Variants in C3orf70 observed in about 807,000 individuals in gnomAD.
C3orf70 encodes the protein UPF0524 protein C3orf70.
C3orf70 carries 15 observed loss-of-function variants against 20.7 expected under a neutral mutation model. The observed-to-expected ratio is 0.72, with a 90% confidence interval of 0.48 to 1.11. The LOEUF (loss-of-function observed/expected upper bound fraction) is 1.11, where lower values mean the gene tolerates loss of function less well. Among genes scored for constraint, C3orf70 ranks in the 50% most tolerant of loss-of-function variants. C3orf70 has a pLI of 0.00. For missense variants in C3orf70, 332 were observed against 317.6 expected, an observed-to-expected ratio of 1.05 and a Z score of -0.34; for synonymous variants, 161 against 125.7, an observed-to-expected ratio of 1.28 and a Z score of -1.88.
intron 1 of C3orf70, among the ~76,000 whole-genome samples, chr3:185,091,312 G>A (rs996934707): frequency 6.6e-6 from 1 of 152,104 alleles, no homozygotes; most frequent in Non-Finnish European, 1.5e-5. Flanking sequence ...GGGTTAGACA[G>A]TCGATCAAAA....
At chr3:185,127,271 G>T (rs533447558) in intron 1 of C3orf70, among the ~76,000 whole-genome samples, 16 of 152,200 alleles carry the variant, frequency 1.1e-4, no homozygotes, top group Non-Finnish European at 1.2e-4. Context: ...CTAAAAATGA[G>T]ATAAATAAGG....
In C3orf70 at chr3:185,079,583, AATC is replaced by A. The variant is rs1297660459; in HGVS notation, c.*3421_*3423del. The A allele has an allele frequency of 6.6e-6, 1 of 152,244 alleles. No individual in the cohort carries two copies. Among genetic ancestry groups the A allele is most frequent in the Non-Finnish European group, 1.5e-5 (1 of 68,044 alleles). 9.4% of individuals were successfully genotyped at this position (152,244 alleles called of 1,614,324 possible). On this transcript the variant is annotated 3_prime_UTR_variant, in exon 2 of 2. Coordinates refer to ENST00000335012, the MANE Select transcript of C3orf70 (RefSeq NM_001025266.3). Reference sequence around the variant, plus strand: ...ACAGTTGTAACCACAAAAGCACTGTAATCATCATTTCTTGGAAAAGTTATAAGC... The same window carrying A: ...ACAGTTGTAACCACAAAAGCACTGTAATCATTTCTTGGAAAAGTTATAAGC...
chr3:185,102,706 G>A (rs937850082), intron 1 of C3orf70, among the ~76,000 whole-genome samples: 7 of 151,958 alleles, frequency 4.6e-5, no homozygotes, highest in Non-Finnish European at 1.0e-4. Flanking sequence ...GTACAAAAAC[G>A]GACACACAGA....
intron 1 of C3orf70, among the ~76,000 whole-genome samples, chr3:185,133,009 A>T (rs1219351463): frequency 6.6e-6 from 1 of 152,256 alleles, no homozygotes; most frequent in Non-Finnish European, 1.5e-5. Context: ...AATATACTGG[A>T]AGTCTATCAT....
intron 1 of C3orf70, among the ~76,000 whole-genome samples, chr3:185,137,933 CAGAA>C (rs1047770980): frequency 3.9e-5 from 6 of 152,152 alleles, no homozygotes; most frequent in South Asian, 2.1e-4. Flanking sequence ...GAAAAACTGA[CAGAA>C]AGAAAATCAA....
chr3:185,087,244 A>G (rs1157740885), intron 1 of C3orf70, among the ~76,000 whole-genome samples: 1 of 152,262 alleles, frequency 6.6e-6, no homozygotes, highest in African/African-American at 2.4e-5. Context: ...TCTAAAAGGA[A>G]AAGATACTCA....
intron 1 of C3orf70, among the ~76,000 whole-genome samples, chr3:185,113,285 C>CAAAAAAAAAAAAAAA (rs55966497): frequency 7.2e-6 from 1 of 138,502 alleles, no homozygotes; most frequent in Non-Finnish European, 1.5e-5. Context: ...CTAAAAAATA[C>CAAAAAAAAAAAAAAA]AAAAAAGAAA....
rs1577331691 is a variant in C3orf70 at position 185,131,264 on chromosome 3, C to T, written c.196+21364G>A. On this transcript the variant is annotated intron_variant, in intron 1 of 1. Transcript: ENST00000335012. ...CCTTAGCCAAATCAAACTAATTTTA[C>T]AGAAGCTGTTGTAATTTAACCTGTA... 2.0e-5 allele frequency among the ~76,000 whole-genome samples: 3 copies of T among 152,160 alleles called. No individual in the cohort carries two copies. The East Asian group carries it at 5.8e-4, about 29-fold the overall frequency.
chr3:185,094,416 C>A (rs943490778), intron 1 of C3orf70, among the ~76,000 whole-genome samples: 1 of 152,068 alleles, frequency 6.6e-6, no homozygotes, highest in African/African-American at 2.4e-5. Context: ...TTTCTTAGTT[C>A]TTTTCCCAGG....
chr3:185,097,626 G>T lies in C3orf70; in HGVS notation c.197-14063C>A, dbSNP rs145175132. Among the ~76,000 whole-genome samples, 1,196 of 152,302 alleles carry T rather than the reference G, an allele frequency of 7.9e-3. 11 individuals carry two copies. Among genetic ancestry groups the T allele is most frequent in the Middle Eastern group, 0.017 (5 of 294 alleles). On this transcript the variant is annotated intron_variant, in intron 1 of 1. Transcript: ENST00000335012. ...TGACAGTAACATTCAGTAGCCTTATGAATGAGAGCAGAGCATCATGGCTGG... is the reference window on the plus strand; with the variant it reads ...TGACAGTAACATTCAGTAGCCTTATTAATGAGAGCAGAGCATCATGGCTGG...
At chr3:185,106,098 G>C (rs1644007386) in intron 1 of C3orf70, among the ~76,000 whole-genome samples, 1 of 152,150 alleles carries the variant, frequency 6.6e-6, no homozygotes, top group South Asian at 2.1e-4. Flanking sequence ...GTGAAAAGTA[G>C]TTGCCCCAGT....
chr3:185,115,932 C>G (rs752971124), intron 1 of C3orf70, among the ~76,000 whole-genome samples: 2 of 152,184 alleles, frequency 1.3e-5, no homozygotes, highest in Non-Finnish European at 2.9e-5. Context: ...CCAAAGGTCT[C>G]ACCGCTCCTA....
chr3:185,132,261 T>C (rs1716536165), intron 1 of C3orf70, among the ~76,000 whole-genome samples: 1 of 152,170 alleles, frequency 6.6e-6, no homozygotes, highest in Non-Finnish European at 1.5e-5. Flanking sequence ...GAGATTCAAA[T>C]ATTGGAACTA....
At chr3:185,112,120 G>A (rs1188934872) in intron 1 of C3orf70, among the ~76,000 whole-genome samples, 2 of 152,084 alleles carry the variant, frequency 1.3e-5, no homozygotes, top group African/African-American at 4.8e-5. Flanking sequence ...GGGAAATCCT[G>A]TCTCTACTTA....
In C3orf70 at chr3:185,098,553, T is replaced by C. The variant is rs1715757241; in HGVS notation, c.197-14990A>G. The stretch of plus-strand genomic sequence containing the variant: ...AAATCTATAGTTTTCCCATAAAATC[T>C]CAAAGGATTACAAAATGTGATGAAG... On this transcript the variant is annotated intron_variant, in intron 1 of 1. Coordinates refer to ENST00000335012, the MANE Select transcript of C3orf70 (RefSeq NM_001025266.3). 2.6e-5 allele frequency among the ~76,000 whole-genome samples: 4 copies of C among 152,152 alleles called. No individual in the cohort carries two copies. The South Asian group carries it at 6.2e-4, about 24-fold the overall frequency.
At chr3:185,145,473 A>G (rs1169311837) in intron 1 of C3orf70, among the ~76,000 whole-genome samples, 1 of 50,654 alleles carries the variant, frequency 2.0e-5, no homozygotes, top group African/African-American at 7.7e-5. Context: ...CAAATACATT[A>G]TTGTTTTTGA....
At chr3:185,086,579 GC>G (rs2096955917) in intron 1 of C3orf70, among the ~76,000 whole-genome samples, 1 of 152,148 alleles carries the variant, frequency 6.6e-6, no homozygotes, top group Non-Finnish European at 1.5e-5. Context: ...AGAATTCTCA[GC>G]TTCTAGACTG....
chr3:185,122,924 C>T (rs1327276431), intron 1 of C3orf70, among the ~76,000 whole-genome samples: 4 of 151,260 alleles, frequency 2.6e-5, no homozygotes, highest in Admixed American at 6.6e-5. Context: ...GGGAGGCCGA[C>T]GCAGGTGGAT....
intron 1 of C3orf70, among the ~76,000 whole-genome samples, chr3:185,126,892 C>T (rs915095940): frequency 6.6e-6 from 1 of 152,162 alleles, no homozygotes; most frequent in African/African-American, 2.4e-5. Flanking sequence ...AATCACTTGT[C>T]CATTCCCTTA....
Sources: gnomAD v4.1 joint callset for allele counts (sites outside exome capture counted in the v4.1 genomes callset) on GRCh38, gnomAD v4.1.1 for gene constraint, MANE v1.5 for transcripts, NCBI Gene and HGNC (gene_info 2026-07-23, HGNC 2026-07-21) for gene names.